Variants in LRP2 observed in about 807,000 individuals in gnomAD.
LRP2 encodes low-density lipoprotein receptor-related protein 2.
LRP2 carries 172 observed loss-of-function variants against 531.0 expected under a neutral mutation model. The observed-to-expected ratio is 0.32, with a 90% CI of 0.29 to 0.37. The LOEUF is 0.37. Among genes scored for constraint, LRP2 ranks in the 10% least tolerant of loss-of-function variants. The pLI is 1.00. For synonymous variants in LRP2, 1,992 were observed against 2,027.6 expected (o/e 0.98, Z 0.47); for missense variants, 5,167 against 5,868.3 (o/e 0.88, Z 3.90).
At chr2:169,292,939 C>T (rs1197440995) in intron 6 of LRP2, among the ~76,000 whole-genome samples, 1 of 151,976 alleles carries the variant, frequency 6.6e-6, no homozygotes, top group East Asian at 1.9e-4. Flanking sequence ...CAACATCCAA[C>T]GTTCTCATAC....
chr2:169,358,344 G>A (rs1686047891), intron 1 of LRP2, among the ~76,000 whole-genome samples: 2 of 151,738 alleles, frequency 1.3e-5, no homozygotes, highest in African/African-American at 4.8e-5. Context: ...TGGGCTAATT[G>A]CTTATCTGTA....
chr2:169,246,966 G>C lies in LRP2; in HGVS notation c.2929C>G (p.Pro977Ala). The change falls in exon 21 of 79, where the codon CCC becomes GCC. Residue 977 changes from proline (P) to alanine (A), a missense_variant. Around this residue, in one of 6 missense-constraint regions of LRP2, gnomAD observed 2,811 missense variants for 3,058.0 expected, o/e 0.92. Coordinates refer to ENST00000649046, the MANE Select transcript of LRP2 (RefSeq NM_004525.3). ...IQTGSNACNQ[P>A]THPNGDCSHF... ...CTGCAGTCACCGTTAGGATGCGTGG[G>C]TTGATTACAGGCGTTAGAACCTGCA... 1 of 1,614,178 alleles carries C rather than the reference G, an allele frequency of 6.2e-7. No individual in the cohort carries two copies. The highest frequency in any genetic ancestry group is 2.2e-5 in the East Asian group (1 of 44,886).
chr2:169,197,743 G>C (rs1019835233), intron 45 of LRP2, among the ~76,000 whole-genome samples: 1 of 152,230 alleles, frequency 6.6e-6, no homozygotes, highest in Admixed American at 6.5e-5. Context: ...TCCCTGAAAA[G>C]TCAGCAATAA....
At chr2:169,260,189 G>A (rs1690488957) in intron 16 of LRP2, among the ~76,000 whole-genome samples, 1 of 152,108 alleles carries the variant, frequency 6.6e-6, no homozygotes, top group Non-Finnish European at 1.5e-5. Context: ...GTAATTCATA[G>A]TGAGGTGGTG....
intron 1 of LRP2, among the ~76,000 whole-genome samples, chr2:169,323,426 T>G (rs764170218): frequency 3.9e-5 from 6 of 152,148 alleles, no homozygotes; most frequent in Non-Finnish European, 5.9e-5. Flanking sequence ...AGGGAATATG[T>G]GTTGTTTAAA....
chr2:169,274,562 C>T (rs1012271306), intron 14 of LRP2, among the ~76,000 whole-genome samples: 2 of 152,052 alleles, frequency 1.3e-5, no homozygotes, highest in Admixed American at 1.3e-4. Flanking sequence ...TTAATCAGAA[C>T]CAAAGAACAG....
At chr2:169,333,919 A>C (rs1302109197) in intron 1 of LRP2, among the ~76,000 whole-genome samples, 1 of 152,172 alleles carries the variant, frequency 6.6e-6, no homozygotes, top group Non-Finnish European at 1.5e-5. Context: ...TTCACGTTAT[A>C]ATGTGATTGT....
At chr2:169,214,991 T>C (rs1195164878) in intron 35 of LRP2, among the ~76,000 whole-genome samples, 2 of 152,044 alleles carry the variant, frequency 1.3e-5, no homozygotes, top group African/African-American at 2.4e-5. Context: ...AGGAGAAAGG[T>C]TGGAGAGTCA....
At position 169,225,471 on chromosome 2, in the gene LRP2, G is replaced by C. The variant is rs527704860; in HGVS notation, c.5395-18C>G. On this transcript the variant is annotated intron_variant, in intron 32 of 78. Coordinates refer to ENST00000649046, the MANE Select transcript of LRP2 (RefSeq NM_004525.3). The stretch of plus-strand genomic sequence containing the variant: ...ATTTCACCCTGGAAAGAAAGACAAG[G>C]GGAGGTGAGCAGTTCCAAGGCCATG... 1 of 1,613,696 alleles carries C rather than the reference G, an allele frequency of 6.2e-7. No individual in the cohort carries two copies. The highest frequency in any genetic ancestry group is 2.2e-5 in the East Asian group (1 of 44,868).
In LRP2 at chr2:169,283,091, A is replaced by G. The variant is rs1043045114; in HGVS notation, c.1043-90T>C. 10 of 1,350,432 alleles carry G rather than the reference A, an allele frequency of 7.4e-6. No individual in the cohort carries two copies. In the African/African-American group the frequency reaches 1.3e-4, roughly 17 times the overall value. The allele number at this position is 1,350,432 out of a possible 1,614,324, so 83.7% of individuals were successfully genotyped here. ...AAAATCCTAGATAAGATGGCCAAGA[A>G]TGTGGTGTTGCCCATGTCTAAATAA... On this transcript the variant is annotated intron_variant, in intron 9 of 78. Transcript: ENST00000649046.
Position 169,152,928 on chromosome 2 carries a change from C to T in LRP2, c.12332G>A (p.Arg4111Lys). 2 of 1,614,026 alleles carry T rather than the reference C, an allele frequency of 1.2e-6. No homozygotes were observed. The highest frequency in any genetic ancestry group is 2.2e-5 in the South Asian group (2 of 91,080). ...VYYTVRGEGS[R>K]FGAIKRAYIP... ...GTAGGCACGTTTGATAGCACCAAAC[C>T]TAGAGCCCTCCCCTCGCACAGTGTA... The change falls in exon 67 of 79, where the codon AGG becomes AAG. Residue 4111 changes from arginine (R) to lysine (K), a missense_variant. Physicochemically the swap from Arg to Lys is conservative, Grantham distance 26. Coordinates refer to ENST00000649046, the MANE Select transcript of LRP2 (RefSeq NM_004525.3).
At chr2:169,197,473 A>G (rs1194366026) in intron 45 of LRP2, among the ~76,000 whole-genome samples, 2 of 152,212 alleles carry the variant, frequency 1.3e-5, no homozygotes, top group African/African-American at 4.8e-5. Context: ...ATAACTCTAG[A>G]AAGTTGGCAA....
rs865950144 is a variant in LRP2 at position 169,328,218 on chromosome 2, G to C, written c.80-7334C>G. Among the ~76,000 whole-genome samples, 34 of 116,828 alleles carry C rather than the reference G, an allele frequency of 2.9e-4. 1 individual carries two copies. In the South Asian group the frequency reaches 3.4e-3, roughly 12 times the overall value. The allele number at this position is 116,828 out of a possible 152,430, so 76.6% of individuals were successfully genotyped here. A position where few individuals can be genotyped will look rare whatever the true frequency, so the allele number is the denominator to read the frequency against. ...GGGTCAGCGCCCCGCCCGGCCAGCCGCCCCGTCCGGGAGGGAGGTGGGGGG... is the reference window on the plus strand; with the variant it reads ...GGGTCAGCGCCCCGCCCGGCCAGCCCCCCCGTCCGGGAGGGAGGTGGGGGG... On this transcript the variant is annotated intron_variant, in intron 1 of 78. Transcript: ENST00000649046.
At chr2:169,227,344 T>C (rs1338372485) in intron 31 of LRP2, among the ~76,000 whole-genome samples, 1 of 152,204 alleles carries the variant, frequency 6.6e-6, no homozygotes, top group Non-Finnish European at 1.5e-5. Context: ...CTTCCAAAGT[T>C]CTCAAAACTG....
chr2:169,284,940 G>T (rs772547649), intron 9 of LRP2, among the ~76,000 whole-genome samples: 1 of 152,164 alleles, frequency 6.6e-6, no homozygotes, highest in Non-Finnish European at 1.5e-5. Flanking sequence ...GGAAACCAAA[G>T]GTGGAGAAGT....
intron 76 of LRP2, among the ~76,000 whole-genome samples, chr2:169,135,242 A>G (rs571029314): frequency 6.5e-4 from 99 of 152,096 alleles, no homozygotes; most frequent in African/African-American, 1.8e-3. Context: ...ACTCCTCAGG[A>G]ATTTCTCAGG....
intron 1 of LRP2, among the ~76,000 whole-genome samples, chr2:169,328,638 A>G (rs1685187906): frequency 6.6e-6 from 1 of 152,102 alleles, no homozygotes; most frequent in African/African-American, 2.4e-5. Flanking sequence ...CAATATATAA[A>G]GCTTTATACA....
intron 41 of LRP2, among the ~76,000 whole-genome samples, chr2:169,204,522 T>C (rs561594040): frequency 6.6e-6 from 1 of 152,320 alleles, no homozygotes. Flanking sequence ...CAGGTTGATA[T>C]TAGAAACAGG....
rs1210431520 is a variant in LRP2 at position 169,201,729 on chromosome 2, G to C, written c.8351C>G (p.Thr2784Arg). 1 of 1,613,998 alleles carries C rather than the reference G, an allele frequency of 6.2e-7. No homozygotes were observed. The highest frequency in any genetic ancestry group is 1.3e-5 in the African/African-American group (1 of 74,884). ...CCTTCTGTTATTGCACATAAACTCC[G>C]TGGTGGCATTGCAGTCCCTGAACAG... ...GCLFRDCNAT[T>R]EFMCNNRRCI... The change falls in exon 44 of 79, where the codon ACG becomes AGG. Residue 2784 changes from threonine (T) to arginine (R), a missense_variant. Coordinates refer to ENST00000649046, the MANE Select transcript of LRP2 (RefSeq NM_004525.3).
Sources: gnomAD v4.1 joint callset for allele counts (sites outside exome capture counted in the v4.1 genomes callset) on GRCh38, gnomAD v4.1.1 for gene constraint, gnomAD v4.1.1 regional missense constraint, MANE v1.5 for transcripts, NCBI Gene and HGNC (gene_info 2026-07-23, HGNC 2026-07-21) for gene names.